Variants in RBAK observed in about 807,000 individuals in gnomAD.
RBAK encodes RB-associated KRAB zinc finger protein.
RBAK carries 39 observed loss-of-function variants against 65.8 expected under a neutral mutation model. The ratio of observed to expected loss-of-function variants is 0.59; its 90% CI spans 0.46 to 0.77. The LOEUF (loss-of-function observed/expected upper bound fraction) is 0.77. RBAK is among the 30% of genes least tolerant of loss of function. RBAK has a pLI of 0.00. For missense variants in RBAK, 884 were observed against 855.1 expected (o/e 1.03, Z -0.42); for synonymous variants, 343 against 289.7 (o/e 1.18, Z -1.87).
chr7:5,047,499 G>A (rs1053807208), intron 1 of RBAK, among the ~76,000 whole-genome samples: 1 of 151,570 alleles, frequency 6.6e-6, no homozygotes, highest in African/African-American at 2.4e-5. Flanking sequence ...TGTAAAAGGA[G>A]TCATGTTACC....
rs1779136836 is a variant in RBAK at position 5,063,679 on chromosome 7, T to C, written c.239-16T>C. ...GTTCAGATTTACAAAGTTTGTTTAC[T>C]ATTTTTCCTTTTTAGAAGCCTGGAG... On this transcript the variant is annotated splice_polypyrimidine_tract_variant and intron_variant, in intron 4 of 4. Transcript: ENST00000396912. The C allele has an allele frequency of 6.4e-7, 1 of 1,554,108 alleles. No homozygotes were observed. Among genetic ancestry groups the C allele is most frequent in the Admixed American group, 2.0e-5 (1 of 50,818 alleles).
intron 2 of RBAK, among the ~76,000 whole-genome samples, chr7:5,053,391 C>G (rs7798758): frequency 0.038 from 5,821 of 151,968 alleles, 414 homozygotes; most frequent in African/African-American, 0.13. Flanking sequence ...GTCTTTTTTT[C>G]TTTCCCCCCT....
chr7:5,057,201 A>G (rs925010931), intron 2 of RBAK, 94 bp from the exon 3 acceptor site: 9 of 1,591,896 alleles, frequency 5.7e-6, no homozygotes, highest in Admixed American at 1.7e-5. Flanking sequence ...AAGGTATACA[A>G]TGTTTATGGT....
intron 2 of RBAK, among the ~76,000 whole-genome samples, chr7:5,055,756 T>G (rs1372861610): frequency 6.6e-6 from 1 of 152,178 alleles, no homozygotes; most frequent in East Asian, 1.9e-4. Context: ...CCTTGCCTTC[T>G]GGACTAACTT....
rs747456498 is a variant in RBAK, at chr7:5,057,686, T to C, written c.145T>C (p.Tyr49His). 1.9e-6 allele frequency: 3 copies of C among 1,613,900 alleles called. No individual in the cohort carries two copies. The highest frequency in any genetic ancestry group is 2.5e-6 in the Non-Finnish European group (3 of 1,179,842). Residue 49 changes from tyrosine to histidine, a missense_variant and splice_region_variant, in exon 4 of 5, where the codon TAT becomes CAT. By Grantham distance (83) the Tyr-to-His change is moderately conservative (BLOSUM62 2). Coordinates refer to ENST00000396912, the MANE Select transcript of RBAK (RefSeq NM_021163.4). The stretch of plus-strand genomic sequence containing the variant: ...CCTCCTTCTTTTCCCATTAACAGGA[T>C]ATGATACCACCAAGCCAAACGTCAT... ...ENYSHLVSVGYDTTKPNVIIK... is the reference protein window; with the variant it reads ...ENYSHLVSVGHDTTKPNVIIK...
At chr7:5,050,050 T>TC (rs1788082395) in intron 2 of RBAK, among the ~76,000 whole-genome samples, 1 of 152,190 alleles carries the variant, frequency 6.6e-6, no homozygotes, top group Non-Finnish European at 1.5e-5. Flanking sequence ...TTGCTCAGAC[T>TC]GGTCTCAAAC....
At chr7:5,049,413 A>C (rs762261250) in intron 2 of RBAK, among the ~76,000 whole-genome samples, 12 of 152,232 alleles carry the variant, frequency 7.9e-5, no homozygotes, top group Non-Finnish European at 1.5e-4. Context: ...ACAGCAAACA[A>C]TACAGTTACT....
rs1472632397 is a variant in RBAK, at chr7:5,046,277, G to A, written c.-164G>A. 1.9e-6 allele frequency: 1 copy of A among 516,478 alleles called. No individual in the cohort carries two copies. Among genetic ancestry groups the A allele is most frequent in the African/African-American group, 1.9e-5 (1 of 52,018 alleles). The allele number at this position is 516,478 out of a possible 1,614,324, so 32.0% of individuals were successfully genotyped here. On this transcript the variant is annotated 5_prime_UTR_variant, in exon 1 of 5. Coordinates refer to ENST00000396912, the MANE Select transcript of RBAK (RefSeq NM_021163.4). ...TAGGCCCGGCCCGGGCCCCTCGGGA[G>A]CAGAACAACCTTAGTGAGGTGGACA...
chr7:5,057,691 T>C lies in RBAK; in HGVS notation c.150T>C (p.Asp50=). ...TTCTTTTCCCATTAACAGGATATGA[T>C]ACCACCAAGCCAAACGTCATCATTA... ...NYSHLVSVGY[D]TTKPNVIIKL... is the part of the protein sequence containing the mutation. The change falls in exon 4 of 5, where the codon GAT becomes GAC. Residue 50 remains aspartate (D), a synonymous_variant. Transcript: ENST00000396912. 6.2e-7 allele frequency: 1 copy of C among 1,613,910 alleles called. No homozygotes were observed. Among genetic ancestry groups the C allele is most frequent in the Non-Finnish European group, 8.5e-7 (1 of 1,179,848 alleles).
intron 2 of RBAK, among the ~76,000 whole-genome samples, chr7:5,051,245 CA>C (rs761318750): frequency 1.3e-4 from 20 of 152,256 alleles, no homozygotes; most frequent in Non-Finnish European, 2.6e-4. Context: ...ACGGATTTTA[CA>C]AAGAAATCCC....
At chr7:5,060,638 T>C (rs1031334822) in intron 4 of RBAK, among the ~76,000 whole-genome samples, 3 of 152,218 alleles carry the variant, frequency 2.0e-5, no homozygotes, top group South Asian at 2.1e-4. Flanking sequence ...AGGAGTCAAA[T>C]TGAATGAGGA....
At chr7:5,051,115 C>A (rs1381126367) in intron 2 of RBAK, among the ~76,000 whole-genome samples, 1 of 151,954 alleles carries the variant, frequency 6.6e-6, no homozygotes, top group African/African-American at 2.4e-5. Flanking sequence ...GTTTCTGAGT[C>A]CTTTTGAAAT....
At position 5,064,417 on chromosome 7, in the gene RBAK, G is replaced by C; in HGVS notation, c.961G>C (p.Glu321Gln). 1 of 1,614,134 alleles carries C rather than the reference G, an allele frequency of 6.2e-7. No individual in the cohort carries two copies. The highest frequency in any genetic ancestry group is 8.5e-7 in the Non-Finnish European group (1 of 1,179,996). ...AGAGGAGAAGCCCTATAAATGTAAT[G>C]AATGTGGGAAAACCTTTTGTCAGAA... ...HLEEKPYKCN[E>Q]CGKTFCQKLH... is the part of the protein sequence containing the mutation. Residue 321 changes from glutamate to glutamine, a missense_variant, in exon 5 of 5, where the codon GAA (glutamate) becomes CAA (glutamine). Physicochemically the swap from Glu to Gln is conservative, Grantham distance 29. Transcript: ENST00000396912. The surrounding 1 kb of genome is among the most constrained non-coding windows in gnomAD (Gnocchi z 6.3).
intron 4 of RBAK, among the ~76,000 whole-genome samples, chr7:5,062,464 A>G (rs1465791413): frequency 6.6e-6 from 1 of 152,180 alleles, no homozygotes; most frequent in Non-Finnish European, 1.5e-5. Flanking sequence ...CAGAGATCAC[A>G]TACTTCACAA....
At chr7:5,061,284 G>T (rs1179183040) in intron 4 of RBAK, among the ~76,000 whole-genome samples, 1 of 151,942 alleles carries the variant, frequency 6.6e-6, no homozygotes, top group Non-Finnish European at 1.5e-5. Flanking sequence ...ATTGTTGGGG[G>T]TTTGAACTGA....
intron 1 of RBAK, 38 bp downstream of exon 1, chr7:5,046,434 C>G (rs760790244): frequency 7.9e-6 from 4 of 505,716 alleles, no homozygotes; most frequent in South Asian, 5.7e-5. Flanking sequence ...CGAGAAGGGC[C>G]TGAGTGAAGT....
At position 5,047,305 on chromosome 7, in the gene RBAK, G is replaced by A. The variant is rs181676586; in HGVS notation, c.-44-728G>A. 2.1e-3 allele frequency among the ~76,000 whole-genome samples: 324 copies of A among 152,266 alleles called. 2 individuals are homozygous for A. Among genetic ancestry groups the A allele is most frequent in the African/African-American group, 7.6e-3 (316 of 41,562 alleles). ...TCCCAGCTACTCAGGAGGCTGAGGT[G>A]GGAGGATCAATGGAGGCCAGGAGGT... On this transcript the variant is annotated intron_variant, in intron 1 of 4. Coordinates refer to ENST00000396912, the MANE Select transcript of RBAK (RefSeq NM_021163.4).
Position 5,046,112 on chromosome 7 carries a change from G to T in RBAK, c.-329G>T. The T allele has an allele frequency of 3.2e-6, 1 of 316,302 alleles. No individual in the cohort carries two copies. Among genetic ancestry groups the T allele is most frequent in the South Asian group, 2.3e-5 (1 of 42,958 alleles). The allele number at this position is 316,302 out of a possible 1,614,324, so 19.6% of individuals were successfully genotyped here. Reference sequence around the variant, plus strand: ...GGGCCGGACGGGAGGTGGCGGAGGTGGCGGCGGAGGCGAAGGGGCGGCGGG... The same window carrying T: ...GGGCCGGACGGGAGGTGGCGGAGGTTGCGGCGGAGGCGAAGGGGCGGCGGG... On this transcript the variant is annotated 5_prime_UTR_variant, in exon 1 of 5. Coordinates refer to ENST00000396912, the MANE Select transcript of RBAK (RefSeq NM_021163.4).
chr7:5,060,989 C>T (rs1779054917), intron 4 of RBAK, among the ~76,000 whole-genome samples: 1 of 152,092 alleles, frequency 6.6e-6, no homozygotes, highest in African/African-American at 2.4e-5. Flanking sequence ...AGATTTTACA[C>T]CAAATGAAAC....
Sources: gnomAD v4.1 joint callset for allele counts (sites outside exome capture counted in the v4.1 genomes callset) on GRCh38, gnomAD v4.1.1 for gene constraint, Gnocchi (gnomAD v3.1) non-coding constraint, MANE v1.5 for transcripts, NCBI Gene and HGNC (gene_info 2026-07-23, HGNC 2026-07-21) for gene names.